Variants in MAP3K7CL observed in about 807,000 individuals in gnomAD.
MAP3K7CL encodes the protein MAP3K7 C-terminal-like protein.
MAP3K7CL carries 16 observed loss-of-function variants against 18.6 expected under a neutral mutation model. The ratio of observed to expected loss-of-function variants is 0.86; its 90% confidence interval spans 0.58 to 1.31. MAP3K7CL has a LOEUF of 1.31. Ranked by LOEUF, MAP3K7CL falls within the 50% of genes most tolerant of loss-of-function variation. The pLI is 0.00. For missense variants in MAP3K7CL, 163 were observed against 174.4 expected (o/e 0.93, Z 0.37); for synonymous variants, 65 against 66.8 (o/e 0.97, Z 0.13).
intron 4 of MAP3K7CL, among the ~76,000 whole-genome samples, chr21:29,168,200 G>A (rs964892254): frequency 2.0e-5 from 3 of 152,154 alleles, no homozygotes; most frequent in Non-Finnish European, 4.4e-5. Flanking sequence ...TTCTCCACAA[G>A]TGTTTGCAGG....
chr21:29,133,218 T>C lies in MAP3K7CL; in HGVS notation c.-39-88T>C. 3.3e-6 allele frequency: 3 copies of C among 918,464 alleles called. No individual in the cohort carries two copies. The East Asian group carries it at 8.3e-5, about 25-fold the overall frequency. The allele number at this position is 918,464 out of a possible 1,614,324, so 56.9% of individuals were successfully genotyped here. ...AGCAGGTAATGCTTACTAACCTTAA[T>C]AACTTCACCTGTAATTTCCAAGGGC... On this transcript the variant is annotated intron_variant, in intron 1 of 4. Coordinates refer to ENST00000399928, the MANE Select transcript of MAP3K7CL (RefSeq NM_001286620.2).
chr21:29,138,522 C>T (rs992760888), intron 2 of MAP3K7CL, among the ~76,000 whole-genome samples: 1 of 152,206 alleles, frequency 6.6e-6, no homozygotes, highest in Admixed American at 6.5e-5. Context: ...GACTTTTCTT[C>T]ATCTTCAGCT....
chr21:29,174,465 A>C (rs957263561), intron 4 of MAP3K7CL, among the ~76,000 whole-genome samples: 1 of 152,208 alleles, frequency 6.6e-6, no homozygotes, highest in African/African-American at 2.4e-5. Context: ...GTTTTTGACT[A>C]CTAAAGAACC....
chr21:29,125,451 T>G (rs952031732), intron 4 of MAP3K7CL, among the ~76,000 whole-genome samples: 2 of 152,126 alleles, frequency 1.3e-5, no homozygotes, highest in Non-Finnish European at 2.9e-5. Flanking sequence ...CTCTTGAGCT[T>G]TGGGGGCACG....
At chr21:29,129,953 C>T (rs2086748061), upstream of MAP3K7CL, among the ~76,000 whole-genome samples, 1 of 152,128 alleles carries the variant, frequency 6.6e-6, no homozygotes, top group South Asian at 2.1e-4. Context: ...TGTATATTTT[C>T]TGTAGTGAGA....
chr21:29,159,418 C>G (rs894590880), intron 3 of MAP3K7CL, among the ~76,000 whole-genome samples: 4 of 152,116 alleles, frequency 2.6e-5, no homozygotes, highest in African/African-American at 9.7e-5. Context: ...TTAATCCTTG[C>G]AAGCATTATT....
chr21:29,083,336 G>A (rs2085868679), upstream of MAP3K7CL, among the ~76,000 whole-genome samples: 1 of 152,190 alleles, frequency 6.6e-6, no homozygotes, highest in Non-Finnish European at 1.5e-5. Flanking sequence ...TTTGCCCTCG[G>A]ATGAAGCCAG....
upstream of MAP3K7CL, among the ~76,000 whole-genome samples, chr21:29,077,260 C>T (rs1215892552): frequency 1.3e-5 from 2 of 152,216 alleles, no homozygotes; most frequent in African/African-American, 4.8e-5. Context: ...GCGCTCGTCG[C>T]GGAGGCTCGG....
At chr21:29,141,979 TA>T (rs1463051372) in intron 2 of MAP3K7CL, among the ~76,000 whole-genome samples, 1 of 152,152 alleles carries the variant, frequency 6.6e-6, no homozygotes, top group Non-Finnish European at 1.5e-5. Flanking sequence ...AATTTAAATT[TA>T]GATTTAAAAT....
chr21:29,112,817 A>C (rs548787622), intron 4 of MAP3K7CL, among the ~76,000 whole-genome samples: 13 of 152,014 alleles, frequency 8.6e-5, no homozygotes, highest in African/African-American at 3.1e-4. Context: ...GACCTTTGGA[A>C]ATTTTTTTTT....
chr21:29,081,229 C>T (rs760134207), upstream of MAP3K7CL, among the ~76,000 whole-genome samples: 1 of 152,144 alleles, frequency 6.6e-6, no homozygotes, highest in Non-Finnish European at 1.5e-5. Context: ...ATATAAATTA[C>T]CTGGAGGAGG....
chr21:29,101,482 T>C lies in MAP3K7CL; in HGVS notation c.370+8901T>C, dbSNP rs980665558. Among the ~76,000 whole-genome samples, 5 of 152,204 alleles carry C rather than the reference T, an allele frequency of 3.3e-5. No homozygotes were observed. The East Asian group carries it at 9.6e-4, about 29-fold the overall frequency. On this transcript the variant is annotated intron_variant, in intron 4 of 6. Transcript: ENST00000286791. Reference sequence around the variant, plus strand: ...TGGTGTGCAGTGGCGCCATCTCTGCTCACTGCAAGCTCCACCTCCCGGATT... The same window carrying C: ...TGGTGTGCAGTGGCGCCATCTCTGCCCACTGCAAGCTCCACCTCCCGGATT...
intron 4 of MAP3K7CL, among the ~76,000 whole-genome samples, chr21:29,111,243 G>A (rs1021470037): frequency 3.3e-5 from 5 of 151,136 alleles, no homozygotes; most frequent in South Asian, 2.1e-4. Context: ...GCGACAGAGC[G>A]AGACTCCTTC....
chr21:29,158,032 T>C (rs1207635389), intron 3 of MAP3K7CL, among the ~76,000 whole-genome samples: 1 of 152,236 alleles, frequency 6.6e-6, no homozygotes, highest in Non-Finnish European at 1.5e-5. Flanking sequence ...CAACTGAGTA[T>C]AGCCTGTGTG....
upstream of MAP3K7CL, chr21:29,085,828 A>G (rs1423525840): frequency 3.1e-6 from 5 of 1,611,936 alleles, no homozygotes; most frequent in Non-Finnish European, 4.2e-6. Flanking sequence ...AGACAACTTG[A>G]GTGGTTAAAT....
intron 4 of MAP3K7CL, among the ~76,000 whole-genome samples, chr21:29,113,981 CT>C (rs1368690879): frequency 6.6e-6 from 1 of 152,136 alleles, no homozygotes; most frequent in Admixed American, 6.5e-5. Flanking sequence ...GGTATCATTT[CT>C]GCCCAAATCT....
chr21:29,139,895 C>CTTTTTTT (rs5843369), intron 2 of MAP3K7CL, among the ~76,000 whole-genome samples: 1 of 67,360 alleles, frequency 1.5e-5, no homozygotes, highest in Non-Finnish European at 2.8e-5. Context: ...CCATCTCTGG[C>CTTTTTTT]TTTTTTTTTT....
At chr21:29,103,135 C>T (rs545274052) in intron 4 of MAP3K7CL, among the ~76,000 whole-genome samples, 4 of 152,322 alleles carry the variant, frequency 2.6e-5, no homozygotes, top group African/African-American at 9.6e-5. Context: ...CAGTCTGCAG[C>T]CTGTCTTTGT....
chr21:29,094,980 C>T (rs2086094634), intron 4 of MAP3K7CL, among the ~76,000 whole-genome samples: 1 of 151,752 alleles, frequency 6.6e-6, no homozygotes, highest in Non-Finnish European at 1.5e-5. Context: ...ATGGTTTGAG[C>T]CTGGGAGGCG....
Sources: allele counts gnomAD v4.1 joint callset (sites outside exome capture counted in the v4.1 genomes callset), GRCh38; gene constraint gnomAD v4.1.1; transcripts MANE v1.5; gene names NCBI Gene and HGNC (gene_info 2026-07-23, HGNC 2026-07-21).